The following DAB1 variants were observed in gnomAD, a reference collection of about 807,000 sequenced individuals.
DAB1 encodes the protein DAB adaptor protein 1, also known as disabled homolog 1.
A neutral mutation model predicts 64.6 loss-of-function variants in DAB1; 15 were observed. The observed-to-expected ratio is 0.23, with a 90% CI of 0.16 to 0.36. The LOEUF (loss-of-function observed/expected upper bound fraction) is 0.36. Among genes scored for constraint, DAB1 ranks in the 10% least tolerant of loss-of-function variants. The probability of loss-of-function intolerance (pLI) is 1.00; values close to 1 mark genes in which losing one functional copy is unlikely to be tolerated. For synonymous variants in DAB1, 235 were observed against 251.9 expected, an observed-to-expected ratio of 0.93 and a Z score of 0.64; for missense variants, 596 against 706.7, an observed-to-expected ratio of 0.84 and a Z score of 1.78.
At chr1:57,640,594 G>A (rs1035168317) in intron 7 of DAB1, among the ~76,000 whole-genome samples, 2 of 152,122 alleles carry the variant, frequency 1.3e-5, no homozygotes, top group East Asian at 3.9e-4. Flanking sequence ...GCACTCCCCT[G>A]AGAGCCTATT....
intron 3 of DAB1, among the ~76,000 whole-genome samples, chr1:58,443,430 A>G (rs187792977): frequency 6.6e-6 from 1 of 152,388 alleles, no homozygotes; most frequent in East Asian, 1.9e-4. Context: ...AAACTTTTAC[A>G]TCATCGCCAA....
At chr1:57,120,268 AG>A (rs965939356) in intron 4 of DAB1, among the ~76,000 whole-genome samples, 1 of 152,142 alleles carries the variant, frequency 6.6e-6, no homozygotes, top group African/African-American at 2.4e-5. Context: ...TAATGAAATG[AG>A]ACCATTTTTA....
chr1:57,169,914 C>T (rs887926289), intron 2 of DAB1, among the ~76,000 whole-genome samples: 2 of 152,140 alleles, frequency 1.3e-5, no homozygotes, highest in African/African-American at 4.8e-5. Flanking sequence ...CAAGACGCCA[C>T]TGCAGTTGTC....
intron 2 of DAB1, among the ~76,000 whole-genome samples, chr1:57,198,649 TCACACACACACACA>T (rs57872654): frequency 1.6e-5 from 2 of 128,334 alleles, no homozygotes; most frequent in South Asian, 2.6e-4. Flanking sequence ...CTTCTCTCTC[TCACACACACACACA>T]CACACACACA....
At chr1:57,588,328 C>T (rs1196106919) in intron 7 of DAB1, among the ~76,000 whole-genome samples, 1 of 152,210 alleles carries the variant, frequency 6.6e-6, no homozygotes, top group Admixed American at 6.5e-5. Flanking sequence ...CTGCAAGGTT[C>T]TGTTCTCAGC....
intron 9 of DAB1, among the ~76,000 whole-genome samples, chr1:57,058,330 C>T (rs750056101): frequency 2.0e-5 from 3 of 152,202 alleles, no homozygotes; most frequent in Non-Finnish European, 2.9e-5. Context: ...TAGTTTGACA[C>T]GGCGTCTTTG....
chr1:58,489,762 G>A (rs1645645083), intron 3 of DAB1, among the ~76,000 whole-genome samples: 1 of 152,182 alleles, frequency 6.6e-6, no homozygotes, highest in South Asian at 2.1e-4. Context: ...GGAATGATGA[G>A]GCAGCAACAT....
In DAB1 at chr1:57,815,432, C is replaced by A. The variant is rs944192663; in HGVS notation, n.551+68567G>T. Among the ~76,000 whole-genome samples, 10 of 152,036 alleles carry A rather than the reference C, an allele frequency of 6.6e-5. 1 individual carries two copies. The highest frequency in any genetic ancestry group is 6.6e-4 in the Admixed American group (10 of 15,254). On this transcript the variant is annotated intron_variant and non_coding_transcript_variant, in intron 6 of 20. Coordinates refer to the DAB1 transcript ENST00000485760. Reference sequence around the variant, plus strand: ...ATCACATAGAATGAACTGGACTGGACTGAACTGGAATGGGAAGTAACTCAC... The same window carrying A: ...ATCACATAGAATGAACTGGACTGGAATGAACTGGAATGGGAAGTAACTCAC...
chr1:57,881,041 T>C (rs1644136008), intron 1 of DAB1: 1 of 152,226 alleles, frequency 6.6e-6, no homozygotes, highest in African/African-American at 2.4e-5. Flanking sequence ...CTGGGCATGA[T>C]TTATCATGTC....
At chr1:57,180,822 A>G (rs1328120625) in intron 2 of DAB1, among the ~76,000 whole-genome samples, 2 of 151,968 alleles carry the variant, frequency 1.3e-5, no homozygotes, top group African/African-American at 4.8e-5. Flanking sequence ...TCAAATGCCA[A>G]CTCCTCTTAA....
chr1:57,249,710 G>A (rs572092), intron 2 of DAB1, among the ~76,000 whole-genome samples: 89,045 of 151,978 alleles, frequency 0.59, 26,295 homozygotes, highest in Admixed American at 0.66. Context: ...ATGGGAACAC[G>A]CCATGACTTG....
At chr1:58,379,593 T>C (rs1361161116) in intron 3 of DAB1, among the ~76,000 whole-genome samples, 1 of 152,264 alleles carries the variant, frequency 6.6e-6, no homozygotes, top group Non-Finnish European at 1.5e-5. Flanking sequence ...AATTCTTTGT[T>C]GTTCACTCAC....
At chr1:57,758,613 A>T (rs1313911472) in intron 6 of DAB1, among the ~76,000 whole-genome samples, 2 of 152,290 alleles carry the variant, frequency 1.3e-5, no homozygotes, top group South Asian at 2.1e-4. Flanking sequence ...AGTCCAGTGG[A>T]TTCATCATGT....
intron 14 of DAB1, among the ~76,000 whole-genome samples, chr1:57,006,040 C>T (rs1646054298): frequency 6.6e-6 from 1 of 152,176 alleles, no homozygotes; most frequent in African/African-American, 2.4e-5. Context: ...AACACAGCTA[C>T]ATTCATTCAT....
chr1:57,441,573 C>T (rs1010957123), intron 7 of DAB1, among the ~76,000 whole-genome samples: 2 of 151,948 alleles, frequency 1.3e-5, no homozygotes, highest in African/African-American at 4.8e-5. Flanking sequence ...AGGCTGGTCT[C>T]GAACTCCTGA....
intron 4 of DAB1, among the ~76,000 whole-genome samples, chr1:57,090,288 T>C (rs1653525193): frequency 6.6e-6 from 1 of 152,170 alleles, no homozygotes; most frequent in African/African-American, 2.4e-5. Flanking sequence ...CTGAAGGGAA[T>C]GTTTCTTTCA....
chr1:57,986,410 C>A (rs1351876126), intron 5 of DAB1, among the ~76,000 whole-genome samples: 4 of 152,130 alleles, frequency 2.6e-5, no homozygotes, highest in Admixed American at 6.5e-5. Context: ...CATCTATGAG[C>A]CAGAAATCAG....
intron 4 of DAB1, among the ~76,000 whole-genome samples, chr1:58,258,918 C>T (rs1309945201): frequency 2.0e-5 from 3 of 152,154 alleles, no homozygotes; most frequent in Non-Finnish European, 4.4e-5. Context: ...TCAATTCCTG[C>T]CTCTGCCCTT....
chr1:57,694,463 T>G (rs3131773), intron 6 of DAB1, among the ~76,000 whole-genome samples: 1 of 151,838 alleles, frequency 6.6e-6, no homozygotes, highest in Non-Finnish European at 1.5e-5. Flanking sequence ...GCAGATAATA[T>G]AGAGAAACAA....
Sources: allele counts gnomAD v4.1 joint callset (sites outside exome capture counted in the v4.1 genomes callset), GRCh38; gene constraint gnomAD v4.1.1; transcripts MANE v1.5; gene names NCBI Gene and HGNC (gene_info 2026-07-23, HGNC 2026-07-21).